Variants in FYCO1 observed in about 807,000 individuals in gnomAD.
FYCO1 encodes the protein FYVE and coiled-coil domain autophagy adaptor 1, also known as FYVE and coiled-coil domain-containing protein 1.
Under a neutral mutation model 165.1 loss-of-function variants are expected in FYCO1, and 122 were observed. The ratio of observed to expected loss-of-function variants is 0.74; its 90% CI spans 0.64 to 0.86. The LOEUF (loss-of-function observed/expected upper bound fraction) is 0.86, where lower values mean the gene tolerates loss of function less well. FYCO1 is among the 40% of genes least tolerant of loss of function. FYCO1 has a pLI of 0.00. For missense variants in FYCO1, 1,702 were observed against 1,810.3 expected, an observed-to-expected ratio of 0.94 and a Z score of 1.09; for synonymous variants, 648 against 742.5, an observed-to-expected ratio of 0.87 and a Z score of 2.07.
intron 14 of FYCO1, chr3:45,943,382 T>G (rs1000801105): frequency 6.6e-6 from 1 of 152,134 alleles, no homozygotes; most frequent in African/African-American, 2.4e-5. Flanking sequence ...TGGATTCTGA[T>G]CTGAAGGACG....
chr3:45,958,502 G>T lies in FYCO1; in HGVS notation c.3705C>A (p.Gly1235=), dbSNP rs367690473. 1,072 of 1,614,168 alleles carry T rather than the reference G, an allele frequency of 6.6e-4. 16 individuals are homozygous for T. In the South Asian group the frequency reaches 0.011, roughly 17 times the overall value. ...TGCCTGAGCCACTGCTATCAGGGGA[G>T]CCAGGGCCTTCACTGAGCTTCTGGA... The part of the protein sequence containing the change: ...ACFQKLSEGP[G]SPDSSGSGTS... Residue 1235 remains glycine (G), a synonymous_variant, in exon 13 of 18, where the codon GGC becomes GGA. Transcript: ENST00000296137.
intron 1 of FYCO1, among the ~76,000 whole-genome samples, chr3:45,991,083 G>A (rs1322020208): frequency 6.6e-6 from 1 of 152,126 alleles, no homozygotes; most frequent in Non-Finnish European, 1.5e-5. Context: ...CGGCCATCAT[G>A]AGCACATTTT....
intron 14 of FYCO1, chr3:45,947,654 T>A (rs2125824424): frequency 1.5e-6 from 1 of 669,986 alleles, no homozygotes; most frequent in Non-Finnish European, 2.6e-6. Flanking sequence ...GAATGCTTCT[T>A]CTCAGGCATG....
chr3:45,967,356 A>T lies in FYCO1; in HGVS notation c.1978T>A (p.Leu660Met). The change falls in exon 8 of 18, where the codon TTG (leucine) becomes ATG (methionine). Residue 660 changes from leucine to methionine, a missense_variant. Transcript: ENST00000296137. ...QQRESAIQGS[L>M]ASLEAEQASI... ...GCCTGCTCGGCCTCCAGGGAGGCCAAGGAGCCCTGGATGGCTGATTCCCGC... is the reference window on the plus strand; with the variant it reads ...GCCTGCTCGGCCTCCAGGGAGGCCATGGAGCCCTGGATGGCTGATTCCCGC... 6.2e-7 allele frequency: 1 copy of T among 1,609,110 alleles called. No homozygotes were observed. Among genetic ancestry groups the T allele is most frequent in the Admixed American group, 1.7e-5 (1 of 59,898 alleles).
chr3:45,947,587 T>A, intron 14 of FYCO1: 1 of 1,160,416 alleles, frequency 8.6e-7, no homozygotes, highest in African/African-American at 1.5e-5. Context: ...TGAGGCAGGC[T>A]TTGTTTATAG....
At chr3:45,979,106 C>T (rs1387329725) in intron 4 of FYCO1, among the ~76,000 whole-genome samples, 2 of 151,892 alleles carry the variant, frequency 1.3e-5, no homozygotes, top group South Asian at 2.1e-4. Context: ...GTGATCTGCC[C>T]GCCTCGGCCT....
intron 11 of FYCO1, among the ~76,000 whole-genome samples, chr3:45,959,803 A>G (rs1705585306): frequency 6.6e-6 from 1 of 152,222 alleles, no homozygotes; most frequent in South Asian, 2.1e-4. Flanking sequence ...AAGAGCTGCC[A>G]GCACCAAAGA....
intron 1 of FYCO1, among the ~76,000 whole-genome samples, chr3:45,990,324 G>T (rs1012134078): frequency 1.3e-5 from 2 of 152,196 alleles, no homozygotes. Flanking sequence ...AGTGGGTGGA[G>T]CTCTGACCTT....
intron 14 of FYCO1, among the ~76,000 whole-genome samples, chr3:45,939,347 C>T (rs1170717133): frequency 2.0e-5 from 3 of 152,138 alleles, no homozygotes; most frequent in Non-Finnish European, 4.4e-5. Flanking sequence ...ACATTAGAAG[C>T]GAGTCAGAAT....
chr3:45,947,887 C>A, intron 14 of FYCO1: 1 of 234,806 alleles, frequency 4.3e-6, no homozygotes, highest in Non-Finnish European at 9.1e-6. Flanking sequence ...CACTGGGTGC[C>A]CAAGCTCAGA....
intron 6 of FYCO1, among the ~76,000 whole-genome samples, chr3:45,972,875 C>A (rs1008537692): frequency 3.3e-5 from 5 of 152,210 alleles, no homozygotes; most frequent in African/African-American, 1.2e-4. Context: ...CTGACTCATG[C>A]CCTGGCCAGT....
chr3:45,946,915 T>A lies in FYCO1; in HGVS notation c.3944+8334A>T, dbSNP rs748066094. On this transcript the variant is annotated intron_variant, in intron 14 of 17. Coordinates refer to ENST00000296137, the MANE Select transcript of FYCO1 (RefSeq NM_024513.4). Reference sequence around the variant, plus strand: ...GCCTACAACCAGCAAGCCAAGAGGATGACCTGGGGCAAGGTCACCAGCTTG... The same window carrying A: ...GCCTACAACCAGCAAGCCAAGAGGAAGACCTGGGGCAAGGTCACCAGCTTG... 2.5e-6 allele frequency: 4 copies of A among 1,614,120 alleles called. No individual in the cohort carries two copies. The African/African-American group carries it at 5.3e-5, about 22-fold the overall frequency.
At chr3:45,973,298 T>G in intron 5 of FYCO1, 67 bp from the exon 6 acceptor site, 2 of 1,514,834 alleles carry the variant, frequency 1.3e-6, no homozygotes, top group Non-Finnish European at 1.8e-6. Context: ...GTCCTCCCAC[T>G]GTGGCTCTGC....
Position 45,958,657 on chromosome 3 carries a change from A to G in FYCO1, c.3588-38T>C, listed in dbSNP as rs754451861. On this transcript the variant is annotated intron_variant, in intron 12 of 17. Coordinates refer to ENST00000296137, the MANE Select transcript of FYCO1 (RefSeq NM_024513.4). ...CAAGCCCAGGCTGTGAGGATGACAC[A>G]CTATGATCTTGTGTGATCTGCTCAG... 5.0e-6 allele frequency: 8 copies of G among 1,600,662 alleles called. No homozygotes were observed. In the South Asian group the frequency reaches 7.7e-5, roughly 15 times the overall value.
At chr3:45,979,619 A>G in intron 4 of FYCO1, 86 bp downstream of exon 4, 2 of 1,507,326 alleles carry the variant, frequency 1.3e-6, no homozygotes. Context: ...TTCCTTATTT[A>G]GCTGTCTGCA....
intron 14 of FYCO1, chr3:45,947,327 C>A (rs1351328264): frequency 1.6e-5 from 26 of 1,614,070 alleles, no homozygotes; most frequent in South Asian, 2.2e-5. Context: ...TGAGGGCCTG[C>A]CTTAACCCTG....
chr3:45,982,226 T>C (rs1247309949), intron 2 of FYCO1, among the ~76,000 whole-genome samples: 2 of 152,174 alleles, frequency 1.3e-5, no homozygotes, highest in African/African-American at 2.4e-5. Flanking sequence ...TAATATGGCA[T>C]TGAGAGGCAG....
rs748985200 is a variant in FYCO1 at position 45,955,368 on chromosome 3, C to T, written c.3825G>A (p.Pro1275=). 52 of 1,614,030 alleles carry T rather than the reference C, an allele frequency of 3.2e-5. No homozygotes were observed. The highest frequency in any genetic ancestry group is 3.8e-5 in the Non-Finnish European group (45 of 1,180,028). ...GQGANTDYRP[P]DDAVFDIITD... ...TGATGATATCAAACACAGCGTCGTC[C>T]GGTGGCCTGTAGTCTGTATTTGCTC... The change falls in exon 14 of 18, where the codon CCG becomes CCA. Residue 1275 remains proline (P), a synonymous_variant. Transcript: ENST00000296137.
At chr3:45,941,333 T>C (rs1034967535) in intron 14 of FYCO1, 6 of 152,190 alleles carry the variant, frequency 3.9e-5, no homozygotes, top group African/African-American at 1.4e-4. Context: ...ACTTCCAAGA[T>C]AAATCTGCAG....
Sources: allele counts gnomAD v4.1 joint callset (sites outside exome capture counted in the v4.1 genomes callset), GRCh38; gene constraint gnomAD v4.1.1; transcripts MANE v1.5; gene names NCBI Gene and HGNC (gene_info 2026-07-23, HGNC 2026-07-21).